LGR6: variants seen among roughly 807,000 people sequenced by gnomAD.
The protein encoded by LGR6 is leucine rich repeat containing G protein-coupled receptor 6.
A neutral mutation model predicts 69.4 loss-of-function variants in LGR6; 45 were observed. The observed-to-expected ratio is 0.65, with a 90% CI of 0.51 to 0.83. The LOEUF (loss-of-function observed/expected upper bound fraction) is 0.83. Ranked by LOEUF, LGR6 falls within the 40% of genes least tolerant of loss-of-function variation. The probability of loss-of-function intolerance (pLI) is 0.00; values close to 1 mark genes in which losing one functional copy is unlikely to be tolerated. For missense variants in LGR6, 1,108 were observed against 1,246.7 expected (o/e 0.89, Z 1.68); for synonymous variants, 538 against 555.0 (o/e 0.97, Z 0.43).
intron 16 of LGR6, among the ~76,000 whole-genome samples, chr1:202,312,265 G>A (rs1381030574): frequency 3.3e-5 from 5 of 152,220 alleles, no homozygotes; most frequent in African/African-American, 4.8e-5. Context: ...TAACACCTTG[G>A]CTGTGATTTT....
At chr1:202,214,063 A>G (rs1659585271) in intron 1 of LGR6, 10 of 1,366,710 alleles carry the variant, frequency 7.3e-6, no homozygotes, top group Non-Finnish European at 9.4e-6. Flanking sequence ...AGGGAAGGGC[A>G]TACGAGAGAA....
At chr1:202,236,623 G>A (rs921964738) in intron 4 of LGR6, among the ~76,000 whole-genome samples, 14 of 152,138 alleles carry the variant, frequency 9.2e-5, no homozygotes. Flanking sequence ...GGGAGCCGCT[G>A]GGCTTCATCC....
chr1:202,197,389 A>C (rs912968793), intron 1 of LGR6: 1 of 532,962 alleles, frequency 1.9e-6, no homozygotes, highest in African/African-American at 1.9e-5. Flanking sequence ...GACGGACTTC[A>C]GATACTCACA....
At chr1:202,293,576 A>G (rs758102161) in intron 6 of LGR6, among the ~76,000 whole-genome samples, 1 of 152,158 alleles carries the variant, frequency 6.6e-6, no homozygotes, top group Non-Finnish European at 1.5e-5. Context: ...CAAGGAGGCA[A>G]CAAATGTTCA....
chr1:202,235,600 A>G (rs951316461), intron 3 of LGR6, among the ~76,000 whole-genome samples: 3 of 152,118 alleles, frequency 2.0e-5, no homozygotes, highest in Non-Finnish European at 4.4e-5. Flanking sequence ...ACAAAATCCC[A>G]AGTACTCTTG....
At chr1:202,197,420 T>C in intron 1 of LGR6, 1 of 533,444 alleles carries the variant, frequency 1.9e-6, no homozygotes, top group Non-Finnish European at 3.8e-6. Context: ...TGTCTCTCTT[T>C]TTTGCAACAG....
Position 202,319,252 on chromosome 1 carries a change from C to G in LGR6, c.*45C>G. ...TCTTCCCCTCTCTTCCCTTTCCTCT[C>G]TCCCCCTCGGTGAATGATGGCTGCT... On this transcript the variant is annotated 3_prime_UTR_variant, in exon 18 of 18. Coordinates refer to ENST00000367278, the MANE Select transcript of LGR6 (RefSeq NM_001017403.2). 1 of 1,506,148 alleles carries G rather than the reference C, an allele frequency of 6.6e-7. No homozygotes were observed. The highest frequency in any genetic ancestry group is 8.9e-7 in the Non-Finnish European group (1 of 1,127,224). 93.3% of individuals were successfully genotyped at this position (1,506,148 alleles called of 1,614,324 possible). A position where few individuals can be genotyped will look rare whatever the true frequency, so the allele number is the denominator to read the frequency against.
intron 14 of LGR6, 48 bp downstream of exon 14, chr1:202,307,449 A>ATG (rs755959866): frequency 6.3e-7 from 1 of 1,582,814 alleles, no homozygotes; most frequent in Non-Finnish European, 8.7e-7. Flanking sequence ...GCCAGTCGGG[A>ATG]CTATGGGCTG....
chr1:202,233,081 C>T (rs897133151), intron 3 of LGR6, among the ~76,000 whole-genome samples: 1 of 152,158 alleles, frequency 6.6e-6, no homozygotes, highest in African/African-American at 2.4e-5. Context: ...TTCTGATAAT[C>T]AGGCTGTCTG....
At chr1:202,234,516 T>C (rs1351712563) in intron 3 of LGR6, among the ~76,000 whole-genome samples, 1 of 152,182 alleles carries the variant, frequency 6.6e-6, no homozygotes, top group Non-Finnish European at 1.5e-5. Flanking sequence ...ATCTTACTGC[T>C]CAGCATTTTC....
At chr1:202,203,330 C>T (rs1016487725) in intron 1 of LGR6, among the ~76,000 whole-genome samples, 3 of 152,188 alleles carry the variant, frequency 2.0e-5, no homozygotes, top group Non-Finnish European at 4.4e-5. Flanking sequence ...CTCCAGGTCT[C>T]TGGACCTCTC....
In LGR6 at chr1:202,194,151, G is replaced by C; in HGVS notation, c.162G>C (p.Glu54Asp). ...DGIMLSADCS[E>D]LGLSAVPGDL... is the part of the protein sequence containing the mutation. ...TCATGCTGTCTGCCGACTGCTCTGA[G>C]CTCGGGCTGTCCGCCGTTCCGGGGG... The change falls in exon 1 of 18, where the codon GAG becomes GAC. Residue 54 changes from glutamate to aspartate, a missense_variant. Coordinates refer to ENST00000367278, the MANE Select transcript of LGR6 (RefSeq NM_001017403.2). 6.3e-7 allele frequency: 1 copy of C among 1,575,712 alleles called. No homozygotes were observed. The highest frequency in any genetic ancestry group is 1.4e-5 in the African/African-American group (1 of 72,802).
intron 1 of LGR6, among the ~76,000 whole-genome samples, chr1:202,209,022 G>T (rs568309887): frequency 6.6e-6 from 1 of 152,268 alleles, no homozygotes; most frequent in East Asian, 1.9e-4. Context: ...GGGACCTCCA[G>T]ATGGGCAGAT....
At position 202,318,569 on chromosome 1, in the gene LGR6, T is replaced by A; in HGVS notation, c.2266T>A (p.Cys756Ser). The change falls in exon 18 of 18, where the codon TGT becomes AGT. Residue 756 changes from cysteine (C) to serine (S), a missense_variant. By Grantham distance (112) the Cys-to-Ser change is moderately radical. Transcript: ENST00000367278. ...GGCCGGTGCCTACATCAAACTGTAC[T>A]GTGACCTGCCGCGGGGCGACTTTGA... The part of the protein sequence containing the change: ...VVAGAYIKLY[C>S]DLPRGDFEAV... 1 of 1,614,088 alleles carries A rather than the reference T, an allele frequency of 6.2e-7. No individual in the cohort carries two copies. Among genetic ancestry groups the A allele is most frequent in the East Asian group, 2.2e-5 (1 of 44,848 alleles).
intron 3 of LGR6, among the ~76,000 whole-genome samples, chr1:202,232,714 A>G (rs1422916051): frequency 6.6e-6 from 1 of 152,192 alleles, no homozygotes; most frequent in East Asian, 1.9e-4. Context: ...AGGGCTAAGA[A>G]CCGCTGGATT....
At chr1:202,208,192 T>C (rs1659327693) in intron 1 of LGR6, among the ~76,000 whole-genome samples, 1 of 152,138 alleles carries the variant, frequency 6.6e-6, no homozygotes, top group Non-Finnish European at 1.5e-5. Flanking sequence ...CAACTGGAAC[T>C]TTAGGTTTGT....
intron 12 of LGR6, chr1:202,306,653 G>A: frequency 1.6e-6 from 1 of 609,226 alleles, no homozygotes; most frequent in Non-Finnish European, 2.9e-6. Flanking sequence ...GGGCCACAGG[G>A]ATGGTTTTGT....
chr1:202,282,543 C>G (rs1459498738), intron 6 of LGR6, among the ~76,000 whole-genome samples: 1 of 152,178 alleles, frequency 6.6e-6, no homozygotes, highest in Non-Finnish European at 1.5e-5. Context: ...CACCTTCCCT[C>G]AGGAGATATA....
At chr1:202,262,578 T>A (rs958393126) in intron 4 of LGR6, among the ~76,000 whole-genome samples, 1 of 152,210 alleles carries the variant, frequency 6.6e-6, no homozygotes, top group Non-Finnish European at 1.5e-5. Context: ...GCGGGCTCTT[T>A]TTTGGTTCCG....
Sources: allele counts gnomAD v4.1 joint callset (sites outside exome capture counted in the v4.1 genomes callset), GRCh38; gene constraint gnomAD v4.1.1; transcripts MANE v1.5; gene names NCBI Gene and HGNC (gene_info 2026-07-23, HGNC 2026-07-21).